MYO16: variants seen among roughly 807,000 people sequenced by gnomAD.
MYO16 encodes unconventional myosin-XVI.
In MYO16, 94 loss-of-function variants were observed where a neutral mutation model predicts 205.3. The observed-to-expected ratio is 0.46, with a 90% CI of 0.39 to 0.54. The LOEUF is 0.54. Among genes scored for constraint, MYO16 ranks in the 20% least tolerant of loss-of-function variants. MYO16 has a pLI of 0.00. For synonymous variants in MYO16, 988 were observed against 954.0 expected (o/e 1.04, Z -0.66); for missense variants, 2,315 against 2,387.5 (o/e 0.97, Z 0.63).
intron 4 of MYO16, among the ~76,000 whole-genome samples, chr13:108,742,490 C>T (rs867381573): frequency 2.0e-5 from 3 of 151,922 alleles, no homozygotes; most frequent in African/African-American, 2.4e-5. Context: ...ATTATTTGAG[C>T]ATCTCAAATA....
Position 108,964,768 on chromosome 13 carries a change from G to T in MYO16, c.2235G>T (p.Met745Ile). 6.2e-7 allele frequency: 1 copy of T among 1,614,006 alleles called. No homozygotes were observed. The change falls in exon 20 of 35, where the codon ATG (methionine) becomes ATT (isoleucine). Residue 745 changes from methionine (M) to isoleucine (I), a missense_variant. By Grantham distance (10) the Met-to-Ile change is conservative. Transcript: ENST00000457511. The stretch of plus-strand genomic sequence containing the variant: ...TTCTTTCTACCATTTTAGGGGATAT[G>T]ATAATACGACGACATACCATACAGA... ...TTDIQYFKGD[M>I]IIRRHTIQIA...
chr13:108,899,320 G>A (rs550200061), intron 15 of MYO16, among the ~76,000 whole-genome samples: 2 of 151,854 alleles, frequency 1.3e-5, no homozygotes, highest in East Asian at 3.9e-4. Flanking sequence ...CTACTTGGGA[G>A]GCTGAGACAG....
At chr13:108,822,507 T>C (rs1876034508) in intron 8 of MYO16, among the ~76,000 whole-genome samples, 1 of 152,204 alleles carries the variant, frequency 6.6e-6, no homozygotes, top group Admixed American at 6.6e-5. Context: ...CAGTAATTGT[T>C]GTTAGTATAA....
upstream of MYO16, among the ~76,000 whole-genome samples, chr13:108,625,215 G>T (rs563808997): frequency 4.6e-5 from 7 of 152,280 alleles, no homozygotes; most frequent in East Asian, 1.2e-3. Flanking sequence ...ACGTGAAGCT[G>T]AAGTGAACAC....
the MYO16 span, among the ~76,000 whole-genome samples, chr13:108,504,695 C>T: frequency 3.3e-5 from 5 of 151,914 alleles, no homozygotes; most frequent in Middle Eastern, 3.2e-3. Context: ...ACCACCATGC[C>T]CAGCTAATTT....
At chr13:108,794,782 G>T (rs1396260839) in intron 6 of MYO16, among the ~76,000 whole-genome samples, 1 of 152,114 alleles carries the variant, frequency 6.6e-6, no homozygotes, top group Non-Finnish European at 1.5e-5. Context: ...TTGAGAGAAA[G>T]TAAACTAGAA....
chr13:109,020,204 G>A (rs1885975109), intron 23 of MYO16, among the ~76,000 whole-genome samples: 1 of 152,036 alleles, frequency 6.6e-6, no homozygotes, highest in African/African-American at 2.4e-5. Flanking sequence ...ATAAACTTTG[G>A]AATATTATTC....
chr13:108,702,503 A>G (rs1192389787), intron 2 of MYO16, among the ~76,000 whole-genome samples: 1 of 152,196 alleles, frequency 6.6e-6, no homozygotes, highest in Non-Finnish European at 1.5e-5. Context: ...ACAAAAACTA[A>G]GAGAATTTTT....
intron 16 of MYO16, among the ~76,000 whole-genome samples, chr13:108,955,288 G>A (rs774411768): frequency 2.6e-5 from 4 of 152,026 alleles, no homozygotes; most frequent in African/African-American, 9.7e-5. Flanking sequence ...AGGATTTTCC[G>A]CAGCTCCTTT....
At chr13:109,157,848 T>A (rs1336292197) in intron 32 of MYO16, among the ~76,000 whole-genome samples, 1 of 152,210 alleles carries the variant, frequency 6.6e-6, no homozygotes, top group Non-Finnish European at 1.5e-5. Context: ...CCCCTCAGGA[T>A]AGATGTAGTC....
intron 20 of MYO16, among the ~76,000 whole-genome samples, chr13:108,990,779 CA>C (rs1364219857): frequency 6.6e-6 from 1 of 151,858 alleles, no homozygotes; most frequent in Non-Finnish European, 1.5e-5. Context: ...CCATATATAA[CA>C]AAAAATATTA....
At chr13:108,766,085 C>T (rs1039141003) in intron 4 of MYO16, among the ~76,000 whole-genome samples, 5 of 152,122 alleles carry the variant, frequency 3.3e-5, no homozygotes, top group African/African-American at 4.8e-5. Flanking sequence ...TAAATGGACT[C>T]CCCACCATAT....
chr13:109,011,054 G>A (rs1885580130), intron 22 of MYO16, among the ~76,000 whole-genome samples: 1 of 150,498 alleles, frequency 6.6e-6, no homozygotes, highest in South Asian at 2.1e-4. Flanking sequence ...TGTACTCTAT[G>A]GAACTTCCTG....
intron 16 of MYO16, among the ~76,000 whole-genome samples, chr13:108,918,542 C>T (rs901050610): frequency 6.6e-6 from 1 of 152,168 alleles, no homozygotes; most frequent in Non-Finnish European, 1.5e-5. Flanking sequence ...AGATGGTGCC[C>T]AGTGGCCCAT....
intron 27 of MYO16, among the ~76,000 whole-genome samples, chr13:109,086,554 A>G (rs1461651813): frequency 6.6e-6 from 1 of 152,208 alleles, no homozygotes; most frequent in Non-Finnish European, 1.5e-5. Context: ...CATTACCATT[A>G]TTAGTGCCTA....
intron 23 of MYO16, among the ~76,000 whole-genome samples, chr13:109,022,602 A>T (rs1333980525): frequency 5.9e-5 from 8 of 136,342 alleles, no homozygotes; most frequent in African/African-American, 2.1e-4. Context: ...TATATTCTAT[A>T]TACGCATATA....
intron 24 of MYO16, chr13:109,048,588 G>T (rs1887131131): frequency 5.4e-6 from 2 of 370,026 alleles, no homozygotes; most frequent in South Asian, 1.4e-4. Context: ...GGCCATGTTT[G>T]GCTCAGGAGC....
At chr13:108,982,297 C>T (rs1411705510) in intron 20 of MYO16, among the ~76,000 whole-genome samples, 1 of 152,188 alleles carries the variant, frequency 6.6e-6, no homozygotes, top group Non-Finnish European at 1.5e-5. Flanking sequence ...ATTACTTTCA[C>T]TCTAATAACC....
At chr13:108,838,769 T>TGC (rs1555304232) in intron 9 of MYO16, among the ~76,000 whole-genome samples, 1 of 21,006 alleles carries the variant, frequency 4.8e-5, no homozygotes, top group African/African-American at 1.4e-4. Flanking sequence ...CACACACAAA[T>TGC]GCACACACAC....
Sources: allele counts gnomAD v4.1 joint callset (sites outside exome capture counted in the v4.1 genomes callset), GRCh38; gene constraint gnomAD v4.1.1; transcripts MANE v1.5; gene names NCBI Gene and HGNC (gene_info 2026-07-23, HGNC 2026-07-21).